SGIP1: variants seen among roughly 807,000 people sequenced by gnomAD.
The protein encoded by SGIP1 is SH3-containing GRB2-like protein 3-interacting protein 1.
SGIP1 carries 38 observed loss-of-function variants against 107.5 expected under a neutral mutation model. The ratio of observed to expected loss-of-function variants is 0.35; its 90% CI spans 0.27 to 0.46. The LOEUF (loss-of-function observed/expected upper bound fraction) is 0.46, where lower values mean the gene tolerates loss of function less well. SGIP1 is among the 20% of genes least tolerant of loss of function. SGIP1 has a pLI of 1.00. For synonymous variants in SGIP1, 365 were observed against 366.1 expected (o/e 1.00, Z 0.03); for missense variants, 929 against 1,019.5 (o/e 0.91, Z 1.21).
At chr1:66,598,805 G>A (rs1398851171) in intron 1 of SGIP1, among the ~76,000 whole-genome samples, 1 of 152,128 alleles carries the variant, frequency 6.6e-6, no homozygotes, top group Non-Finnish European at 1.5e-5. Flanking sequence ...CCTCCCACCA[G>A]GCTCCCTCTC....
intron 1 of SGIP1, among the ~76,000 whole-genome samples, chr1:66,552,069 G>T (rs2057500211): frequency 6.6e-6 from 1 of 152,084 alleles, no homozygotes; most frequent in Admixed American, 6.5e-5. Flanking sequence ...CACGGCTAGG[G>T]AGTAGCAGAG....
intron 8 of SGIP1, 35 bp downstream of exon 8, chr1:66,660,559 CAT>C (rs1557508604): frequency 6.3e-7 from 1 of 1,585,722 alleles, no homozygotes. Flanking sequence ...TTGGGGCAAA[CAT>C]TATTTATTCT....
intron 16 of SGIP1, among the ~76,000 whole-genome samples, chr1:66,689,753 G>T (rs1291151641): frequency 6.6e-6 from 1 of 152,208 alleles, no homozygotes; most frequent in East Asian, 1.9e-4. Flanking sequence ...AACATTCTGT[G>T]TGAACAATTA....
At chr1:66,663,836 T>A (rs1162488838) in intron 8 of SGIP1, among the ~76,000 whole-genome samples, 1 of 152,224 alleles carries the variant, frequency 6.6e-6, no homozygotes, top group Admixed American at 6.5e-5. Context: ...AAGATACAAC[T>A]CAATTTGGGT....
Position 66,629,073 on chromosome 1 carries a change from T to G in SGIP1, c.74+3163T>G, listed in dbSNP as rs1283073286. On this transcript the variant is annotated intron_variant, in intron 2 of 24. Coordinates refer to ENST00000371037, the MANE Select transcript of SGIP1 (RefSeq NM_032291.4). Reference sequence around the variant, plus strand: ...GGGGTTGGGAAAGCACTCTAGCAATTTGCTGTCCCTTCAGCTTTAGTAAAT... The same window carrying G: ...GGGGTTGGGAAAGCACTCTAGCAATGTGCTGTCCCTTCAGCTTTAGTAAAT... Among the ~76,000 whole-genome samples, 5 of 152,338 alleles carry G rather than the reference T, an allele frequency of 3.3e-5. No homozygotes were observed. The South Asian group carries it at 1.0e-3, about 32-fold the overall frequency.
At chr1:66,651,724 G>A (rs1412939215) in intron 7 of SGIP1, among the ~76,000 whole-genome samples, 2 of 152,132 alleles carry the variant, frequency 1.3e-5, no homozygotes, top group Admixed American at 6.6e-5. Context: ...TGACAGGAGA[G>A]CGAGGCTGAG....
chr1:66,560,934 T>C (rs1188353710), intron 1 of SGIP1, among the ~76,000 whole-genome samples: 1 of 152,056 alleles, frequency 6.6e-6, no homozygotes, highest in African/African-American at 2.4e-5. Context: ...GCACTTAGCA[T>C]AGAGTAAGCC....
intron 20 of SGIP1, among the ~76,000 whole-genome samples, chr1:66,732,619 T>C (rs2094065974): frequency 1.3e-5 from 2 of 152,208 alleles, no homozygotes; most frequent in South Asian, 4.1e-4. Flanking sequence ...TGTTTTTTAC[T>C]CAGCTTTCTT....
chr1:66,738,961 A>G (rs1367677031), intron 21 of SGIP1, among the ~76,000 whole-genome samples: 1 of 152,168 alleles, frequency 6.6e-6, no homozygotes, highest in African/African-American at 2.4e-5. Context: ...AGGGAAGTAC[A>G]GAAGCTCAGA....
At position 66,745,732 on chromosome 1, in the gene SGIP1, A is replaced by G. The variant is rs1331576283; in HGVS notation, c.*2637A>G. The stretch of plus-strand genomic sequence containing the variant: ...CCATTTCCTGAACGTTATGATCTTT[A>G]AAAGGTTCTGCTTTAGCAAGATAAA... On this transcript the variant is annotated 3_prime_UTR_variant, in exon 25 of 25. Transcript: ENST00000371037. The G allele has an allele frequency of 6.6e-6, 1 of 152,106 alleles. No individual in the cohort carries two copies. Among genetic ancestry groups the G allele is most frequent in the Non-Finnish European group, 1.5e-5 (1 of 67,948 alleles). 9.4% of individuals were successfully genotyped at this position (152,106 alleles called of 1,614,324 possible).
At chr1:66,623,255 C>T (rs763395293) in intron 1 of SGIP1, among the ~76,000 whole-genome samples, 5 of 151,922 alleles carry the variant, frequency 3.3e-5, no homozygotes. Flanking sequence ...AAGTTTTCAA[C>T]CTTTTTTTTT....
At chr1:66,549,620 T>C in intron 1 of SGIP1, among the ~76,000 whole-genome samples, 1 of 152,170 alleles carries the variant, frequency 6.6e-6, no homozygotes, top group East Asian at 1.9e-4. Context: ...GCCATTGGCA[T>C]TGTTAATATT....
intron 1 of SGIP1, among the ~76,000 whole-genome samples, chr1:66,582,904 GA>G (rs1024597412): frequency 7.8e-4 from 110 of 141,826 alleles, no homozygotes; most frequent in African/African-American, 1.0e-3. Context: ...TGTATGCTAG[GA>G]AAAAAAAAAA....
At chr1:66,682,944 T>C (rs1253785810) in intron 15 of SGIP1, among the ~76,000 whole-genome samples, 2 of 151,912 alleles carry the variant, frequency 1.3e-5, no homozygotes, top group Admixed American at 6.6e-5. Context: ...AGAAAAAAAA[T>C]GGGATACATA....
chr1:66,733,912 C>G (rs1183502508), intron 21 of SGIP1, 32 bp downstream of exon 21: 1 of 1,590,664 alleles, frequency 6.3e-7, no homozygotes, highest in African/African-American at 1.3e-5. Context: ...GTATCTCTTC[C>G]ACATGACATA....
At chr1:66,647,843 G>A (rs886739770) in intron 7 of SGIP1, among the ~76,000 whole-genome samples, 13 of 152,244 alleles carry the variant, frequency 8.5e-5, no homozygotes, top group African/African-American at 3.1e-4. Context: ...AACCAAATAT[G>A]TAATTTTGTC....
In SGIP1 at chr1:66,741,383, A is replaced by G. The variant is rs754580716; in HGVS notation, c.2411A>G (p.Glu804Gly). Residue 804 changes from glutamate (E) to glycine (G), a missense_variant, in exon 24 of 25, where the codon GAA becomes GGA. Physicochemically the swap from Glu to Gly is moderately conservative, Grantham distance 98 (BLOSUM62 -2). This residue lies in a region of SGIP1 where 341 missense variants were observed against 430.9 expected (regional missense o/e 0.79). Transcript: ENST00000371037. ...AGCACCCTTTCTGGCTGTGACATTG[A>G]ACTTGTTGGAGCAGGGTATCGATTT... ...EGSTLSGCDI[E>G]LVGAGYRFSL... 63 of 1,609,536 alleles carry G rather than the reference A, an allele frequency of 3.9e-5. No homozygotes were observed. The highest frequency in any genetic ancestry group is 4.4e-5 in the Non-Finnish European group (52 of 1,177,590).
intron 18 of SGIP1, among the ~76,000 whole-genome samples, chr1:66,701,491 T>C (rs1269159926): frequency 6.6e-6 from 1 of 152,242 alleles, no homozygotes; most frequent in Non-Finnish European, 1.5e-5. Context: ...AGTTTTTATA[T>C]ATGGACTGTA....
At chr1:66,634,016 T>C in intron 3 of SGIP1, 3 of 1,422,678 alleles carry the variant, frequency 2.1e-6, no homozygotes, top group Non-Finnish European at 2.9e-6. Flanking sequence ...TACCATGAAA[T>C]GTTAAGAAAA....
Sources: gnomAD v4.1 joint callset for allele counts (sites outside exome capture counted in the v4.1 genomes callset) on GRCh38, gnomAD v4.1.1 for gene constraint, gnomAD v4.1.1 regional missense constraint, MANE v1.5 for transcripts, NCBI Gene and HGNC (gene_info 2026-07-23, HGNC 2026-07-21) for gene names.